C12orf56: variants seen among roughly 807,000 people sequenced by gnomAD.
The protein encoded by C12orf56 is chromosome 12 open reading frame 56.
A neutral mutation model predicts 69.9 loss-of-function variants in C12orf56; 71 were observed. That is an observed-to-expected ratio of 1.02 (90% CI 0.84 to 1.24). The LOEUF is 1.24. Ranked by LOEUF, C12orf56 falls within the 50% of genes most tolerant of loss-of-function variation. C12orf56 has a pLI of 0.00. For synonymous variants in C12orf56, 276 were observed against 274.1 expected, an observed-to-expected ratio of 1.01 and a Z score of -0.07; for missense variants, 732 against 738.5, an observed-to-expected ratio of 0.99 and a Z score of 0.10.
In C12orf56 at chr12:64,390,458, G is replaced by T; in HGVS notation, c.108C>A (p.Tyr36Ter). 2 of 1,609,294 alleles carry T rather than the reference G, an allele frequency of 1.2e-6. No homozygotes were observed. Among genetic ancestry groups the T allele is most frequent in the East Asian group, 2.2e-5 (1 of 44,848 alleles). The change falls in exon 1 of 13, where the codon TAC becomes TAA. Residue 36 changes from tyrosine (Y) to a stop codon, truncating the protein, a stop_gained. Transcript: ENST00000543942. LOFTEE classifies it high-confidence loss of function. ...PPEVYDAVRA[Y>*]EPCIVVSNSE... ...AGTTGGACACCACGATGCATGGCTC[G>T]TAGGCGCGGACCGCGTCGTAGACCT...
chr12:64,276,820 C>T (rs1435654701), intron 9 of C12orf56, among the ~76,000 whole-genome samples: 1 of 150,820 alleles, frequency 6.6e-6, no homozygotes, highest in Admixed American at 6.6e-5. Context: ...ATGGCAAGAC[C>T]CCATCTCTAC....
chr12:64,341,603 C>T (rs757157886), intron 2 of C12orf56, among the ~76,000 whole-genome samples: 1 of 152,064 alleles, frequency 6.6e-6, no homozygotes, highest in African/African-American at 2.4e-5. Context: ...GTGTGGAATA[C>T]CATGAAGGTG....
intron 5 of C12orf56, among the ~76,000 whole-genome samples, chr12:64,312,327 C>T (rs576145301): frequency 7.7e-4 from 117 of 152,122 alleles, no homozygotes; most frequent in Non-Finnish European, 1.4e-3. Context: ...GCAAAGAGGG[C>T]CGGGCACGGT....
intron 5 of C12orf56, among the ~76,000 whole-genome samples, chr12:64,310,723 A>AT (rs80072778): frequency 0.41 from 61,605 of 149,616 alleles, 12,597 homozygotes; most frequent in African/African-American, 0.43. Context: ...TTCTTTCTTT[A>AT]TTTTTTTTTA....
intron 3 of C12orf56, among the ~76,000 whole-genome samples, chr12:64,322,556 G>T (rs2038786670): frequency 6.6e-6 from 1 of 152,064 alleles, no homozygotes; most frequent in Non-Finnish European, 1.5e-5. Context: ...GGTGGCTCAT[G>T]CCTGTAATCC....
At chr12:64,354,764 G>T (rs1348019756) in intron 1 of C12orf56, among the ~76,000 whole-genome samples, 2 of 143,498 alleles carry the variant, frequency 1.4e-5, no homozygotes, top group Non-Finnish European at 3.0e-5. Context: ...ACCGCACCTG[G>T]TCTACTCCCA....
chr12:64,267,263 G>T lies in C12orf56; in HGVS notation c.1789C>A (p.Gln597Lys). 1 of 1,610,884 alleles carries T rather than the reference G, an allele frequency of 6.2e-7. No individual in the cohort carries two copies. The highest frequency in any genetic ancestry group is 8.5e-7 in the Non-Finnish European group (1 of 1,178,618). Reference protein sequence around the residue: ...FRYFIHMPALQKRLPLCYPIT... With the variant: ...FRYFIHMPALKKRLPLCYPIT... ...GGGTAACACAATGGGAGCCTTTTCT[G>T]CAAGGCTGGCATGTGAATAAAGTAC... Residue 597 changes from glutamine (Q) to lysine (K), a missense_variant, in exon 13 of 13, where the codon CAG becomes AAG. Gln to Lys is a moderately conservative substitution (Grantham distance 53). Coordinates refer to ENST00000543942, the MANE Select transcript of C12orf56 (RefSeq NM_001170633.2).
intron 2 of C12orf56, chr12:64,338,112 A>G (rs931601990): frequency 8.3e-6 from 4 of 481,504 alleles, no homozygotes; most frequent in Non-Finnish European, 1.6e-5. Flanking sequence ...GTTTCTTCAA[A>G]TATCAGAAGC....
At position 64,390,472 on chromosome 12, in the gene C12orf56, C is replaced by G. The variant is rs1353801972; in HGVS notation, c.94G>C (p.Ala32Pro). The change falls in exon 1 of 13, where the codon GCG becomes CCG. Residue 32 changes from alanine (A) to proline (P), a missense_variant. By Grantham distance (27) the Ala-to-Pro change is conservative. Coordinates refer to ENST00000543942, the MANE Select transcript of C12orf56 (RefSeq NM_001170633.2). ...RRHLPPEVYD[A>P]VRAYEPCIVV... ...ATGCATGGCTCGTAGGCGCGGACCGCGTCGTAGACCTCGGGCGGCAGATGC... is the reference window on the plus strand; with the variant it reads ...ATGCATGGCTCGTAGGCGCGGACCGGGTCGTAGACCTCGGGCGGCAGATGC... 2.5e-6 allele frequency: 4 copies of G among 1,606,346 alleles called. No homozygotes were observed. In the African/African-American group the frequency reaches 5.3e-5, roughly 21 times the overall value.
intron 9 of C12orf56, among the ~76,000 whole-genome samples, chr12:64,276,399 G>A (rs1334712200): frequency 6.6e-6 from 1 of 152,144 alleles, no homozygotes; most frequent in African/African-American, 2.4e-5. Flanking sequence ...TGGTGGTCAA[G>A]GAATGCTTCC....
chr12:64,315,999 C>T (rs573163381), intron 4 of C12orf56, among the ~76,000 whole-genome samples: 1 of 151,814 alleles, frequency 6.6e-6, no homozygotes, highest in South Asian at 2.1e-4. Context: ...AATTCTAACC[C>T]GATTTCTCAC....
At position 64,318,786 on chromosome 12, in the gene C12orf56, T is replaced by C. The variant is rs1032014485; in HGVS notation, c.683A>G (p.Gln228Arg). ...PSCTTNTKEPQGLPDHNSISE... is the reference protein window; with the variant it reads ...PSCTTNTKEPRGLPDHNSISE... Reference sequence around the variant, plus strand: ...TATGGAGTTGTGATCTGGAAGTCCCTGGGGTTCTTTTGTGTTTGTTGTGCA... The same window carrying C: ...TATGGAGTTGTGATCTGGAAGTCCCCGGGGTTCTTTTGTGTTTGTTGTGCA... The change falls in exon 4 of 13, where the codon CAG (glutamine) becomes CGG (arginine). Residue 228 changes from glutamine to arginine, a missense_variant. By Grantham distance (43) the Gln-to-Arg change is conservative. Transcript: ENST00000543942. 5.2e-6 allele frequency: 8 copies of C among 1,537,182 alleles called. No homozygotes were observed. The highest frequency in any genetic ancestry group is 3.3e-4 in the Middle Eastern group (2 of 5,990).
chr12:64,287,091 G>C (rs1017077175), intron 6 of C12orf56, among the ~76,000 whole-genome samples: 7 of 151,906 alleles, frequency 4.6e-5, no homozygotes, highest in African/African-American at 7.3e-5. Context: ...ACAAAAATTA[G>C]CTGGGTTTGG....
chr12:64,390,298 C>T lies in C12orf56; in HGVS notation c.252+16G>A. On this transcript the variant is annotated intron_variant, in intron 1 of 12. Coordinates refer to ENST00000543942, the MANE Select transcript of C12orf56 (RefSeq NM_001170633.2). ...CACTGCGCTCCCGAGCCCGCCTGCC[C>T]ACCCGCGCCGCTCACCAGGTCAATG... is the stretch of plus-strand genomic sequence containing the variant. 1 of 1,594,068 alleles carries T rather than the reference C, an allele frequency of 6.3e-7. No individual in the cohort carries two copies. Among genetic ancestry groups the T allele is most frequent in the Non-Finnish European group, 8.5e-7 (1 of 1,171,752 alleles).
At chr12:64,379,385 C>G (rs988014172) in intron 1 of C12orf56, among the ~76,000 whole-genome samples, 1 of 151,642 alleles carries the variant, frequency 6.6e-6, no homozygotes, top group African/African-American at 2.4e-5. Flanking sequence ...CTCGGGTTCA[C>G]GCCATTCTCC....
At chr12:64,331,077 T>A in intron 2 of C12orf56, 45 bp from the exon 3 acceptor site, 1 of 1,431,028 alleles carries the variant, frequency 7.0e-7, no homozygotes, top group Non-Finnish European at 9.5e-7. Context: ...AATAATTTGA[T>A]TGAAATTATG....
intron 6 of C12orf56, among the ~76,000 whole-genome samples, chr12:64,295,936 C>G (rs535018605): frequency 3.3e-4 from 50 of 151,792 alleles, no homozygotes; most frequent in Non-Finnish European, 5.9e-4. Flanking sequence ...TTAGAGATGC[C>G]TGTGATGGTT....
chr12:64,319,015 C>A, intron 3 of C12orf56, 35 bp from the exon 4 acceptor site: 1 of 1,420,398 alleles, frequency 7.0e-7, no homozygotes, highest in Non-Finnish European at 9.2e-7. Context: ...ACATGACATG[C>A]AAAATTTCAC....
chr12:64,300,873 G>C (rs1313940598), intron 6 of C12orf56, among the ~76,000 whole-genome samples: 1 of 152,154 alleles, frequency 6.6e-6, no homozygotes, highest in African/African-American at 2.4e-5. Flanking sequence ...TTCTGGTTCT[G>C]TGTTCCCACC....
Sources: allele counts gnomAD v4.1 joint callset (sites outside exome capture counted in the v4.1 genomes callset), GRCh38; gene constraint gnomAD v4.1.1; transcripts MANE v1.5; gene names NCBI Gene and HGNC (gene_info 2026-07-23, HGNC 2026-07-21).